The following GPATCH1 variants were observed in gnomAD, a reference collection of about 807,000 sequenced individuals.
GPATCH1 encodes G-patch domain containing 1.
Under a neutral mutation model 114.9 loss-of-function variants are expected in GPATCH1, and 73 were observed. The ratio of observed to expected loss-of-function variants is 0.64; its 90% CI spans 0.53 to 0.77. The LOEUF is 0.77. Ranked by LOEUF, GPATCH1 falls within the 30% of genes least tolerant of loss-of-function variation. The pLI, the probability that GPATCH1 is intolerant of heterozygous loss-of-function variation, is 0.00. For synonymous variants in GPATCH1, 391 were observed against 428.4 expected, an observed-to-expected ratio of 0.91 and a Z score of 1.08; for missense variants, 1,058 against 1,144.3, an observed-to-expected ratio of 0.92 and a Z score of 1.09.
intron 1 of GPATCH1, among the ~76,000 whole-genome samples, chr19:33,082,792 C>T (rs750831388): frequency 6.6e-6 from 1 of 152,200 alleles, no homozygotes; most frequent in African/African-American, 2.4e-5. Flanking sequence ...GTTCTACACT[C>T]ACTATCCCAA....
At chr19:33,099,191 TG>T in intron 8 of GPATCH1, among the ~76,000 whole-genome samples, 1 of 150,644 alleles carries the variant, frequency 6.6e-6, no homozygotes, top group Non-Finnish European at 1.5e-5. Flanking sequence ...TACATAGTAA[TG>T]TATTGATCTA....
chr19:33,117,934 C>G lies in GPATCH1; in HGVS notation c.2306C>G (p.Ser769Cys), dbSNP rs1447076108. The G allele has an allele frequency of 6.2e-7, 1 of 1,613,872 alleles. No individual in the cohort carries two copies. Among genetic ancestry groups the G allele is most frequent in the South Asian group, 1.1e-5 (1 of 91,076 alleles). ...ASSSDEKSSS[S>C]EDEQGDSEDD... is the part of the protein sequence containing the mutation. ...TCCTCAGATGAAAAGTCCTCATCCT[C>G]CGAGGATGAGCAAGGTGACAGTGAA... The change falls in exon 16 of 20, where the codon TCC becomes TGC. Residue 769 changes from serine to cysteine, a missense_variant. Ser to Cys is a moderately radical substitution (Grantham distance 112). Coordinates refer to ENST00000170564, the MANE Select transcript of GPATCH1 (RefSeq NM_018025.3).
chr19:33,125,528 G>A (rs1463962392), intron 18 of GPATCH1, among the ~76,000 whole-genome samples: 4 of 151,764 alleles, frequency 2.6e-5, no homozygotes, highest in Admixed American at 2.0e-4. Flanking sequence ...GGGACCACAG[G>A]TGTGCACCAC....
At chr19:33,114,566 T>C in intron 15 of GPATCH1, 147 bp downstream of exon 15, 1 of 643,142 alleles carries the variant, frequency 1.6e-6, no homozygotes, top group Non-Finnish European at 2.6e-6. Flanking sequence ...TGTTTCTAAC[T>C]TTTGGCTATA....
intron 19 of GPATCH1, among the ~76,000 whole-genome samples, chr19:33,129,382 G>A (rs1287210577): frequency 1.3e-5 from 2 of 151,082 alleles, no homozygotes; most frequent in African/African-American, 2.4e-5. Context: ...AGACCAGCTC[G>A]GGTAATATAG....
intron 2 of GPATCH1, among the ~76,000 whole-genome samples, chr19:33,090,034 C>G (rs1327326879): frequency 1.3e-5 from 2 of 152,222 alleles, no homozygotes; most frequent in Non-Finnish European, 2.9e-5. Context: ...GATGCCTCAG[C>G]TCACAGGGCC....
At chr19:33,114,688 T>C (rs1360060073) in intron 15 of GPATCH1, among the ~76,000 whole-genome samples, 3 of 152,174 alleles carry the variant, frequency 2.0e-5, no homozygotes, top group Admixed American at 6.6e-5. Context: ...TGTACATGTA[T>C]ATTTAACTTT....
At chr19:33,096,135 T>C (rs1261204733) in intron 6 of GPATCH1, 72 bp from the exon 7 acceptor site, 1 of 1,484,442 alleles carries the variant, frequency 6.7e-7, no homozygotes, top group Non-Finnish European at 9.2e-7. Context: ...CACTGCGTTT[T>C]CAATTAGTAT....
intron 19 of GPATCH1, among the ~76,000 whole-genome samples, chr19:33,129,347 A>G (rs1291117538): frequency 6.7e-6 from 1 of 149,024 alleles, no homozygotes; most frequent in Non-Finnish European, 1.5e-5. Flanking sequence ...TCAAGATGGG[A>G]GGATCGCTTG....
Position 33,084,353 on chromosome 19 carries a change from C to G in GPATCH1, c.73+3087C>G, listed in dbSNP as rs533954619. Among the ~76,000 whole-genome samples, 11 of 152,264 alleles carry G rather than the reference C, an allele frequency of 7.2e-5. No homozygotes were observed. The East Asian group carries it at 2.1e-3, about 29-fold the overall frequency. On this transcript the variant is annotated intron_variant, in intron 1 of 19. Coordinates refer to ENST00000170564, the MANE Select transcript of GPATCH1 (RefSeq NM_018025.3). ...TTTATAGACACATAGGCCTTCTAAT[C>G]TGGAAAGAAGGGGGCCAGATACTTA...
Position 33,125,201 on chromosome 19 carries a change from A to C in GPATCH1, c.2618A>C (p.Lys873Thr). ...AAAGAGCACAGGCGGAAGAAAGAGAAGGTGAGAGACTTGTGTGTACCCCAG... is the reference window on the plus strand; with the variant it reads ...AAAGAGCACAGGCGGAAGAAAGAGACGGTGAGAGACTTGTGTGTACCCCAG... Reference protein sequence around the residue: ...AKKEHRRKKEKKKKHRKHKHK... With the variant: ...AKKEHRRKKETKKKHRKHKHK... Residue 873 changes from lysine (K) to threonine (T), a missense_variant and splice_region_variant, in exon 18 of 20, where the codon AAG (lysine) becomes ACG (threonine). Transcript: ENST00000170564. The C allele has an allele frequency of 6.3e-7, 1 of 1,589,686 alleles. No homozygotes were observed. The highest frequency in any genetic ancestry group is 8.6e-7 in the Non-Finnish European group (1 of 1,168,244).
At chr19:33,084,311 A>G (rs1337949018) in intron 1 of GPATCH1, among the ~76,000 whole-genome samples, 1 of 152,182 alleles carries the variant, frequency 6.6e-6, no homozygotes, top group Non-Finnish European at 1.5e-5. Context: ...CAGGGAGCCT[A>G]GTGACAGTGG....
intron 13 of GPATCH1, 89 bp from the exon 14 acceptor site, chr19:33,113,678 G>A: frequency 9.0e-7 from 1 of 1,105,822 alleles, no homozygotes; most frequent in South Asian, 1.4e-5. Flanking sequence ...TCATGCAGAA[G>A]AGGTGGAAAA....
chr19:33,126,765 A>G (rs1270026050), intron 19 of GPATCH1, 32 bp downstream of exon 19: 1 of 1,551,276 alleles, frequency 6.4e-7, no homozygotes. Context: ...GTTTTTCAGA[A>G]ACCTTTAGAG....
intron 1 of GPATCH1, among the ~76,000 whole-genome samples, chr19:33,082,285 T>C (rs1972486886): frequency 6.6e-6 from 1 of 152,150 alleles, no homozygotes; most frequent in African/African-American, 2.4e-5. Context: ...TTCAGCAAGT[T>C]ATGTATTGAG....
chr19:33,123,419 G>T (rs937664897), intron 17 of GPATCH1, among the ~76,000 whole-genome samples: 3 of 149,916 alleles, frequency 2.0e-5, no homozygotes, highest in Non-Finnish European at 4.4e-5. Flanking sequence ...AAAATTAAAA[G>T]AATTTTGGAA....
intron 1 of GPATCH1, among the ~76,000 whole-genome samples, chr19:33,087,199 C>A (rs1359251271): frequency 6.6e-6 from 1 of 152,132 alleles, no homozygotes; most frequent in Non-Finnish European, 1.5e-5. Flanking sequence ...AACTCATACC[C>A]TTAACCACTG....
In GPATCH1 at chr19:33,112,605, T is replaced by A; in HGVS notation, c.1884T>A (p.Pro628=). 2 of 1,613,420 alleles carry A rather than the reference T, an allele frequency of 1.2e-6. No individual in the cohort carries two copies. Among genetic ancestry groups the A allele is most frequent in the Non-Finnish European group, 1.7e-6 (2 of 1,179,526 alleles). The change falls in exon 13 of 20, where the codon CCT becomes CCA. Residue 628 remains proline (P), a synonymous_variant. Transcript: ENST00000170564. The stretch of plus-strand genomic sequence containing the variant: ...GTAAGAGATTTAATGTCCCTGACCC[T>A]TATCCAGAGTAAGTTGGATAAACCT... ...LLCKRFNVPD[P]YPDSTLVGLP... is the part of the protein sequence containing the mutation.
At chr19:33,100,202 A>G (rs896355649) in intron 8 of GPATCH1, 1 of 152,070 alleles carries the variant, frequency 6.6e-6, no homozygotes, top group Admixed American at 6.6e-5. Context: ...ATAAACATGA[A>G]ATTTCTGGGT....
Sources: gnomAD v4.1 joint callset for allele counts (sites outside exome capture counted in the v4.1 genomes callset) on GRCh38, gnomAD v4.1.1 for gene constraint, MANE v1.5 for transcripts, NCBI Gene and HGNC (gene_info 2026-07-23, HGNC 2026-07-21) for gene names.